LARGE1: variants seen among roughly 807,000 people sequenced by gnomAD.
LARGE1 encodes the protein LARGE xylosyl- and glucuronyltransferase 1.
In LARGE1, 43 loss-of-function variants were observed where a neutral mutation model predicts 87.6. The ratio of observed to expected loss-of-function variants is 0.49; its 90% confidence interval spans 0.38 to 0.63. LARGE1 has a LOEUF of 0.63. LARGE1 is among the 30% of genes least tolerant of loss of function. The pLI is 0.00. For missense variants in LARGE1, 802 were observed against 1,000.2 expected, an observed-to-expected ratio of 0.80 and a Z score of 2.67; for synonymous variants, 434 against 394.6, an observed-to-expected ratio of 1.10 and a Z score of -1.18.
chr22:33,708,755 C>T (rs115315986), intron 2 of LARGE1, among the ~76,000 whole-genome samples: 61 of 152,294 alleles, frequency 4.0e-4, no homozygotes, highest in Middle Eastern at 3.4e-3. Context: ...CATGTGCTAC[C>T]ACACCAAGCT....
chr22:33,083,323 C>A, the LARGE1 span, among the ~76,000 whole-genome samples: 38 of 152,164 alleles, frequency 2.5e-4, 1 homozygote, highest in African/African-American at 9.2e-4. Flanking sequence ...TAATTTTGGG[C>A]CAGTTAAGTC....
intron 11 of LARGE1, among the ~76,000 whole-genome samples, chr22:33,177,658 T>C (rs1922944322): frequency 6.6e-6 from 1 of 152,170 alleles, no homozygotes; most frequent in South Asian, 2.1e-4. Flanking sequence ...ATATTTGAGT[T>C]GAGTCTTAAC....
At chr22:33,129,085 A>G in the LARGE1 span, among the ~76,000 whole-genome samples, 3 of 152,228 alleles carry the variant, frequency 2.0e-5, no homozygotes, top group Non-Finnish European at 2.9e-5. Context: ...CCGGAAATTA[A>G]AATAAAAATT....
At chr22:33,893,703 C>T (rs1454132978) in intron 1 of LARGE1, among the ~76,000 whole-genome samples, 1 of 152,206 alleles carries the variant, frequency 6.6e-6, no homozygotes, top group Non-Finnish European at 1.5e-5. Flanking sequence ...GCCATCATAT[C>T]ACTCATTCTA....
At chr22:33,919,602 C>T (rs2147012301) in intron 1 of LARGE1, among the ~76,000 whole-genome samples, 1 of 152,380 alleles carries the variant, frequency 6.6e-6, no homozygotes, top group South Asian at 2.1e-4. Context: ...CATCACACCA[C>T]GAAAGGTAGT....
At chr22:33,684,475 C>G (rs1370265385) in intron 2 of LARGE1, among the ~76,000 whole-genome samples, 1 of 151,788 alleles carries the variant, frequency 6.6e-6, no homozygotes, top group Non-Finnish European at 1.5e-5. Flanking sequence ...ACCCTGAGAA[C>G]CTTTCCTTTG....
chr22:33,332,522 C>T (rs1268908329), intron 10 of LARGE1, among the ~76,000 whole-genome samples: 1 of 152,172 alleles, frequency 6.6e-6, no homozygotes, highest in Non-Finnish European at 1.5e-5. Context: ...TTAGACACTG[C>T]CATCAGAGCC....
intron 3 of LARGE1, among the ~76,000 whole-genome samples, chr22:33,633,001 T>C (rs2080156767): frequency 6.6e-6 from 1 of 152,194 alleles, no homozygotes; most frequent in African/African-American, 2.4e-5. Flanking sequence ...GGTAAGGTAG[T>C]GCAGAACTGT....
At chr22:33,575,043 T>A (rs1298662750) in intron 5 of LARGE1, among the ~76,000 whole-genome samples, 4 of 152,134 alleles carry the variant, frequency 2.6e-5, no homozygotes, top group Admixed American at 6.5e-5. Flanking sequence ...ATTCCCAGGA[T>A]CCTATTGAGA....
At chr22:33,253,170 C>T (rs527506768) in intron 11 of LARGE1, among the ~76,000 whole-genome samples, 4 of 152,156 alleles carry the variant, frequency 2.6e-5, no homozygotes, top group Non-Finnish European at 4.4e-5. Context: ...TCTGTTTGCT[C>T]GTAGATATGA....
chr22:33,327,968 C>T (rs1197961599), intron 10 of LARGE1, among the ~76,000 whole-genome samples: 2 of 145,232 alleles, frequency 1.4e-5, no homozygotes, highest in African/African-American at 2.4e-5. Context: ...GTGCCAGGCA[C>T]TCTTTAATGA....
chr22:33,183,248 C>T (rs912789040), intron 11 of LARGE1, among the ~76,000 whole-genome samples: 9 of 151,942 alleles, frequency 5.9e-5, no homozygotes, highest in African/African-American at 1.9e-4. Context: ...CACTGATAAT[C>T]AGAGAAATGT....
exon 12 of LARGE1, chr22:33,165,586 GATTTAGAAGGTCACAGCATT>G (rs1328882571): frequency 6.6e-6 from 1 of 152,142 alleles, no homozygotes; most frequent in Non-Finnish European, 1.5e-5. Flanking sequence ...CCAAAATTCT[GATTTAGAAGGTCACAGCATT>G]ATTAGCGAGG....
chr22:33,568,401 AG>A (rs1411515728), intron 5 of LARGE1, among the ~76,000 whole-genome samples: 1 of 152,330 alleles, frequency 6.6e-6, no homozygotes, highest in Non-Finnish European at 1.5e-5. Context: ...AGGACCTAGA[AG>A]GAAAAACCTC....
At chr22:33,772,845 C>CTGAA (rs56761832) in intron 1 of LARGE1, among the ~76,000 whole-genome samples, 21 of 151,258 alleles carry the variant, frequency 1.4e-4, no homozygotes, top group African/African-American at 2.7e-4. Context: ...TGAGTATCTG[C>CTGAA]TGAATGAATG....
At chr22:33,174,624 G>A (rs1922761640) in intron 11 of LARGE1, among the ~76,000 whole-genome samples, 1 of 151,932 alleles carries the variant, frequency 6.6e-6, no homozygotes, top group African/African-American at 2.4e-5. Flanking sequence ...AAAGAGAGAA[G>A]AATCAAATAG....
chr22:33,830,694 C>A (rs1214511446), intron 1 of LARGE1, among the ~76,000 whole-genome samples: 1 of 152,090 alleles, frequency 6.6e-6, no homozygotes, highest in East Asian at 1.9e-4. Context: ...TTCTCTTGGC[C>A]CACTCAGGCT....
At chr22:33,470,503 T>C (rs1454764232) in intron 6 of LARGE1, among the ~76,000 whole-genome samples, 4 of 152,182 alleles carry the variant, frequency 2.6e-5, no homozygotes, top group African/African-American at 9.7e-5. Context: ...TCTTAGAATC[T>C]ATTCCTTTTG....
At chr22:33,090,702 T>C in the LARGE1 span, among the ~76,000 whole-genome samples, 12 of 152,274 alleles carry the variant, frequency 7.9e-5, no homozygotes, top group Admixed American at 3.3e-4. Context: ...GATGTAACCA[T>C]GGGGTTAGAG....
Sources: gnomAD v4.1 joint callset for allele counts (sites outside exome capture counted in the v4.1 genomes callset) on GRCh38, gnomAD v4.1.1 for gene constraint, MANE v1.5 for transcripts, NCBI Gene and HGNC (gene_info 2026-07-23, HGNC 2026-07-21) for gene names.